HEMK2: variants seen among roughly 807,000 people sequenced by gnomAD.
HEMK2 encodes HemK methyltransferase 2, ETF1 glutamine and histone H4 lysine, also known as methyltransferase HEMK2.
At chr21:28,706,682 C>T in the HEMK2 span, among the ~76,000 whole-genome samples, 5 of 152,134 alleles carry the variant, frequency 3.3e-5, no homozygotes, top group African/African-American at 1.2e-4. Context: ...GTTATCACTG[C>T]AGAAAAAGCA....
At chr21:28,702,309 CA>C in the HEMK2 span, among the ~76,000 whole-genome samples, 82,700 of 148,006 alleles carry the variant, frequency 0.56, 24,986 homozygotes, top group East Asian at 0.84. Context: ...GCTATTGCAA[CA>C]AAAAAAAAAA....
chr21:28,863,411 TATATATATATATATATATATATATA>T, the HEMK2 span, among the ~76,000 whole-genome samples: 6 of 18,658 alleles, frequency 3.2e-4, no homozygotes, highest in African/African-American at 6.5e-4. Flanking sequence ...AACTCCCTTT[TATATATATATATATATATATATATA>T]TATATATATA....
At chr21:28,633,181 T>C in the HEMK2 span, among the ~76,000 whole-genome samples, 1 of 152,118 alleles carries the variant, frequency 6.6e-6, no homozygotes, top group East Asian at 1.9e-4. Flanking sequence ...AGTCTGAACC[T>C]GTGTACTGAA....
chr21:28,686,109 G>C, the HEMK2 span, among the ~76,000 whole-genome samples: 1 of 152,200 alleles, frequency 6.6e-6, no homozygotes, highest in Non-Finnish European at 1.5e-5. Flanking sequence ...GTCAAGAAGA[G>C]GGCTCCAAAG....
At chr21:28,829,925 G>A in the HEMK2 span, among the ~76,000 whole-genome samples, 2 of 152,088 alleles carry the variant, frequency 1.3e-5, no homozygotes, top group African/African-American at 4.8e-5. Context: ...CTGGAAAGAT[G>A]GTAGGCAGAG....
the HEMK2 span, among the ~76,000 whole-genome samples, chr21:28,706,747 G>A: frequency 6.6e-6 from 1 of 151,496 alleles, no homozygotes; most frequent in Non-Finnish European, 1.5e-5. Context: ...TTATTATTTG[G>A]AGGCTAAATA....
the HEMK2 span, among the ~76,000 whole-genome samples, chr21:28,691,931 T>C: frequency 6.6e-6 from 1 of 152,218 alleles, no homozygotes; most frequent in South Asian, 2.1e-4. Context: ...AAACTGTTTA[T>C]TGGCTCTCTC....
the HEMK2 span, among the ~76,000 whole-genome samples, chr21:28,767,044 T>C: frequency 1.3e-3 from 202 of 152,146 alleles, 1 homozygote; most frequent in African/African-American, 4.6e-3. Flanking sequence ...GGGAGGTAAT[T>C]GAGTCATGGG....
chr21:28,872,299 A>T, the HEMK2 span: 1 of 152,200 alleles, frequency 6.6e-6, no homozygotes, highest in Non-Finnish European at 1.5e-5. Context: ...ACCACACACG[A>T]GCTGAAGAGG....
At chr21:28,863,425 T>C in the HEMK2 span, among the ~76,000 whole-genome samples, 3 of 22,172 alleles carry the variant, frequency 1.4e-4, no homozygotes, top group South Asian at 2.0e-3. Context: ...TATATATATA[T>C]ATATATATAT....
the HEMK2 span, among the ~76,000 whole-genome samples, chr21:28,788,869 G>A: frequency 6.6e-6 from 1 of 152,060 alleles, no homozygotes; most frequent in Non-Finnish European, 1.5e-5. Flanking sequence ...AATGAGTGAT[G>A]TCCTTAGAAG....
At chr21:28,735,274 G>T in the HEMK2 span, among the ~76,000 whole-genome samples, 1 of 152,158 alleles carries the variant, frequency 6.6e-6, no homozygotes, top group African/African-American at 2.4e-5. Context: ...TCTACCCTGG[G>T]TATCATAAGG....
chr21:28,591,760 TCTC>T, the HEMK2 span, among the ~76,000 whole-genome samples: 1 of 152,160 alleles, frequency 6.6e-6, no homozygotes, highest in Admixed American at 6.5e-5. Flanking sequence ...GCCCATGAGT[TCTC>T]ATCATCTAGC....
chr21:28,609,315 T>C, the HEMK2 span, among the ~76,000 whole-genome samples: 1 of 151,954 alleles, frequency 6.6e-6, no homozygotes, highest in South Asian at 2.1e-4. Context: ...TCACTGCAGT[T>C]CAGTTCTCAG....
the HEMK2 span, among the ~76,000 whole-genome samples, chr21:28,579,640 T>C: frequency 6.6e-6 from 1 of 152,200 alleles, no homozygotes; most frequent in African/African-American, 2.4e-5. Flanking sequence ...AAACATATCA[T>C]AATACAAATA....
At chr21:28,885,192 A>AGCCCC in the HEMK2 span, 6 of 1,540,590 alleles carry the variant, frequency 3.9e-6, no homozygotes, top group African/African-American at 8.3e-5. Flanking sequence ...TTCCCGTCAG[A>AGCCCC]GCCCCTCCCC....
chr21:28,792,271 A>G, the HEMK2 span, among the ~76,000 whole-genome samples: 2 of 152,140 alleles, frequency 1.3e-5, no homozygotes, highest in African/African-American at 4.8e-5. Context: ...CTCTGTATGA[A>G]CATAGCCTGT....
At chr21:28,852,635 C>T in the HEMK2 span, among the ~76,000 whole-genome samples, 2 of 152,122 alleles carry the variant, frequency 1.3e-5, no homozygotes, top group African/African-American at 4.8e-5. Context: ...GGTCCTTACA[C>T]AAAAAGACCC....
At chr21:28,651,212 T>C in the HEMK2 span, among the ~76,000 whole-genome samples, 1 of 152,182 alleles carries the variant, frequency 6.6e-6, no homozygotes, top group Non-Finnish European at 1.5e-5. Flanking sequence ...CTTTAAAACA[T>C]AATAAAGACC....
Sources: gnomAD v4.1 joint callset for allele counts (sites outside exome capture counted in the v4.1 genomes callset) on GRCh38, gnomAD v4.1.1 for gene constraint, MANE v1.5 for transcripts, NCBI Gene and HGNC (gene_info 2026-07-23, HGNC 2026-07-21) for gene names.